Variants in SRPRA observed in about 807,000 individuals in gnomAD.
The protein encoded by SRPRA is signal recognition particle receptor subunit alpha.
Under a neutral mutation model 61.1 loss-of-function variants are expected in SRPRA, and 30 were observed. The observed-to-expected ratio is 0.49, with a 90% confidence interval of 0.37 to 0.67. The LOEUF (loss-of-function observed/expected upper bound fraction) is 0.67. SRPRA is among the 30% of genes least tolerant of loss of function. The probability of loss-of-function intolerance (pLI) is 0.00; values close to 1 mark genes in which losing one functional copy is unlikely to be tolerated. For missense variants in SRPRA, 759 were observed against 828.4 expected, an observed-to-expected ratio of 0.92 and a Z score of 1.03; for synonymous variants, 324 against 299.7, an observed-to-expected ratio of 1.08 and a Z score of -0.84.
chr11:126,268,120 T>TC, intron 1 of SRPRA, 34 bp from the exon 2 acceptor site: 1 of 1,604,774 alleles, frequency 6.2e-7, no homozygotes, highest in East Asian at 2.2e-5. Context: ...GTTCAGACTA[T>TC]CCCCAGAAAA....
chr11:126,245,464 C>T, the SRPRA span, among the ~76,000 whole-genome samples: 1 of 151,992 alleles, frequency 6.6e-6, no homozygotes, highest in Non-Finnish European at 1.5e-5. Flanking sequence ...GCACCAGCAA[C>T]AGAAGAAAAC....
At chr11:126,268,198 CTG>C in intron 1 of SRPRA, 112 bp from the exon 2 acceptor site, 1 of 875,658 alleles carries the variant, frequency 1.1e-6, no homozygotes. Flanking sequence ...AAACTCAAAT[CTG>C]TCCCCAGGAC....
At chr11:126,261,090 G>A (rs970450235), downstream of SRPRA, 3 of 216,072 alleles carry the variant, frequency 1.4e-5, no homozygotes, top group African/African-American at 6.8e-5. Flanking sequence ...TGGTGAGATT[G>A]AATTTTTACC....
downstream of SRPRA, chr11:126,261,242 C>T (rs1389396639): frequency 1.4e-5 from 8 of 578,406 alleles, no homozygotes; most frequent in Non-Finnish European, 1.9e-5. Flanking sequence ...TTAGGTAATG[C>T]AAGTCTAAAG....
Position 126,265,241 on chromosome 11 carries a change from A to G in SRPRA, c.1311+27T>C. On this transcript the variant is annotated intron_variant, in intron 10 of 13. Coordinates refer to ENST00000332118, the MANE Select transcript of SRPRA (RefSeq NM_003139.4). This position sits in a 1 kb window ranked among gnomAD's most constrained non-coding sequence, Gnocchi z 6.3. ...GAGACACAAGAAGTACAGAAATATCAGCGATAGGCTGGGGAACTGCACTGA... is the reference window on the plus strand; with the variant it reads ...GAGACACAAGAAGTACAGAAATATCGGCGATAGGCTGGGGAACTGCACTGA... 1 of 1,613,544 alleles carries G rather than the reference A, an allele frequency of 6.2e-7. No individual in the cohort carries two copies. The highest frequency in any genetic ancestry group is 2.2e-5 in the East Asian group (1 of 44,866).
rs1398944327 is a variant in SRPRA, at chr11:126,268,066, G to C, written c.138C>G (p.Ser46=). 1 of 1,614,134 alleles carries C rather than the reference G, an allele frequency of 6.2e-7. No homozygotes were observed. The highest frequency in any genetic ancestry group is 1.7e-5 in the Admixed American group (1 of 60,026). ...VLLQERGGNN[S]FTHEALTLKY... ...TGAGTGTGAGTGCCTCATGGGTGAA[G>C]GAGTTGTTACCTCCCCGTTCCTGGA... The change falls in exon 2 of 14, where the codon TCC becomes TCG. Residue 46 remains serine (S), a synonymous_variant. Coordinates refer to ENST00000332118, the MANE Select transcript of SRPRA (RefSeq NM_003139.4).
the SRPRA span, chr11:126,254,431 ATGGTG>A: frequency 6.2e-7 from 1 of 1,614,172 alleles, no homozygotes; most frequent in Non-Finnish European, 8.5e-7. Context: ...CACTGAAGTC[ATGGTG>A]AGTGGGGCTG....
At chr11:126,259,649 T>C (rs988037588), downstream of SRPRA, among the ~76,000 whole-genome samples, 3 of 151,566 alleles carry the variant, frequency 2.0e-5, 1 homozygote, top group Non-Finnish European at 4.4e-5. Flanking sequence ...ATGGTCTCGG[T>C]CTCCTGACCT....
chr11:126,259,755 C>A (rs1232112257), downstream of SRPRA, among the ~76,000 whole-genome samples: 1 of 143,208 alleles, frequency 7.0e-6, no homozygotes, highest in Non-Finnish European at 1.5e-5. Context: ...GAGTTTCTCT[C>A]TGTCACCCAG....
the SRPRA span, chr11:126,256,972 T>C: frequency 9.8e-7 from 1 of 1,016,680 alleles, no homozygotes; most frequent in Non-Finnish European, 1.4e-6. The surrounding 1 kb of genome is among the most constrained non-coding windows in gnomAD (Gnocchi z 6.6). Flanking sequence ...CTGACCAAAT[T>C]GTAAAGGAGG....
At chr11:126,240,647 G>A in the SRPRA span, 2 of 766,758 alleles carry the variant, frequency 2.6e-6, no homozygotes, top group Non-Finnish European at 4.1e-6. Flanking sequence ...TCTTTAAACT[G>A]CTTTGGAAAG....
chr11:126,264,963 A>C lies in SRPRA; in HGVS notation c.1521T>G (p.Ala507=). The change falls in exon 11 of 14, where the codon GCT becomes GCG. Residue 507 remains alanine (A), a synonymous_variant. Transcript: ENST00000332118. The surrounding 1 kb of genome is among the most constrained non-coding windows in gnomAD (Gnocchi z 5.0). The part of the protein sequence containing the change: ...DAAGIAMEAI[A]FARNQGFDVV... ...CACACTTCCCATGCACTGTACCAAA[A>C]GCAATGGCTTCCATGGCAATGCCAG... 2 of 1,613,772 alleles carry C rather than the reference A, an allele frequency of 1.2e-6. No homozygotes were observed. Among genetic ancestry groups the C allele is most frequent in the Non-Finnish European group, 1.7e-6 (2 of 1,179,968 alleles).
Position 126,268,737 on chromosome 11 carries a change from T to A in SRPRA, c.68A>T (p.Asp23Val). 1 of 1,613,700 alleles carries A rather than the reference T, an allele frequency of 6.2e-7. No individual in the cohort carries two copies. The highest frequency in any genetic ancestry group is 8.5e-7 in the Non-Finnish European group (1 of 1,179,994). Residue 23 changes from aspartate to valine, a missense_variant, in exon 1 of 14, where the codon GAC (aspartate) becomes GTC (valine). Physicochemically the swap from Asp to Val is radical, Grantham distance 152. This residue lies in a region of SRPRA where 475 missense variants were observed against 462.5 expected (regional missense o/e 1.03). Transcript: ENST00000332118. ...CGCGTTAACGGGTCCGGTGCATGAG[T>A]CGCTAACGCCCTGGAAGCACCAGAG... ...LVLWCFQGVS[D>V]SCTGPVNALI...
At chr11:126,261,380 T>C, downstream of SRPRA, 7 of 1,554,654 alleles carry the variant, frequency 4.5e-6, no homozygotes, top group Non-Finnish European at 6.2e-6. Context: ...TATTAATAGT[T>C]TTAGCTTTTC....
chr11:126,268,581 G>A lies in SRPRA; in HGVS notation c.117+107C>T. On this transcript the variant is annotated intron_variant, in intron 1 of 13. Transcript: ENST00000332118. ...TCCGGGTTACGCGTGAGTGGTCAGT[G>A]TGAGGTGGGCGGGGAGGGTGGGAGG... The A allele has an allele frequency of 2.2e-6, 2 of 891,842 alleles. 1 individual carries two copies. Among genetic ancestry groups the A allele is most frequent in the South Asian group, 3.0e-5 (2 of 66,948 alleles). The allele number at this position is 891,842 out of a possible 1,614,324, so 55.2% of individuals were successfully genotyped here. A position where few individuals can be genotyped will look rare whatever the true frequency, so the allele number is the denominator to read the frequency against.
downstream of SRPRA, chr11:126,261,515 C>G (rs1591534055): frequency 6.4e-7 from 1 of 1,569,182 alleles, no homozygotes; most frequent in South Asian, 1.1e-5. Context: ...CTATTTATCA[C>G]TCTGTAGCAG....
chr11:126,257,434 G>A, the SRPRA span, among the ~76,000 whole-genome samples: 1 of 151,940 alleles, frequency 6.6e-6, no homozygotes, highest in Non-Finnish European at 1.5e-5. Context: ...TCCTAAAATT[G>A]GTGGAGATTC....
the SRPRA span, chr11:126,250,804 G>A: frequency 8.3e-7 from 1 of 1,206,498 alleles, no homozygotes; most frequent in African/African-American, 1.5e-5. The surrounding 1 kb of genome is among the most constrained non-coding windows in gnomAD (Gnocchi z 5.1). Flanking sequence ...CTCTTTTCTA[G>A]TTGGTATATT....
the SRPRA span, among the ~76,000 whole-genome samples, chr11:126,246,279 A>G: frequency 6.6e-6 from 1 of 152,172 alleles, no homozygotes; most frequent in African/African-American, 2.4e-5. Context: ...ATCAAATCTA[A>G]CAGTATCAAC....
Sources: gnomAD v4.1 joint callset for allele counts (sites outside exome capture counted in the v4.1 genomes callset) on GRCh38, gnomAD v4.1.1 for gene constraint, gnomAD v4.1.1 regional missense constraint, Gnocchi (gnomAD v3.1) non-coding constraint, MANE v1.5 for transcripts, NCBI Gene and HGNC (gene_info 2026-07-23, HGNC 2026-07-21) for gene names.